XKR6: variants seen among roughly 807,000 people sequenced by gnomAD.
XKR6 encodes the protein XK-related protein 6.
XKR6 carries 22 observed loss-of-function variants against 56.7 expected under a neutral mutation model. The ratio of observed to expected loss-of-function variants is 0.39; its 90% confidence interval spans 0.28 to 0.55. XKR6 has a LOEUF of 0.55. Among genes scored for constraint, XKR6 ranks in the 20% least tolerant of loss-of-function variants. The pLI, the probability that XKR6 is intolerant of heterozygous loss-of-function variation, is 0.66. For missense variants in XKR6, 852 were observed against 889.0 expected (o/e 0.96, Z 0.53); for synonymous variants, 524 against 387.8 (o/e 1.35, Z -4.13).
intron 1 of XKR6, among the ~76,000 whole-genome samples, chr8:10,974,345 C>T (rs1244105811): frequency 6.6e-6 from 1 of 152,224 alleles, no homozygotes; most frequent in Non-Finnish European, 1.5e-5. Context: ...TGGCCACAGT[C>T]ACAGTGAGAC....
At position 10,898,481 on chromosome 8, in the gene XKR6, G is replaced by C; in HGVS notation, c.1397C>G (p.Pro466Arg). 1 of 1,613,860 alleles carries C rather than the reference G, an allele frequency of 6.2e-7. No individual in the cohort carries two copies. Among genetic ancestry groups the C allele is most frequent in the African/African-American group, 1.3e-5 (1 of 75,044 alleles). The change falls in exon 3 of 3, where the codon CCG (proline) becomes CGG (arginine). Residue 466 changes from proline (P) to arginine (R), a missense_variant. Pro to Arg is a moderately radical substitution (Grantham distance 103). This residue lies in a region of XKR6 where 197 missense variants were observed against 190.9 expected (regional missense o/e 1.03). Coordinates refer to ENST00000416569, the MANE Select transcript of XKR6 (RefSeq NM_173683.4). This position sits in a 1 kb window ranked among gnomAD's most constrained non-coding sequence, Gnocchi z 6.6. ...CACCGCATAGGAGTCAGTGGTCTCC[G>C]GGTCTCTGTAAAAATACCAAAGGAA... ...LTFLWYFYRDPETTDSYAVPA... is the reference protein window; with the variant it reads ...LTFLWYFYRDRETTDSYAVPA...
chr8:11,195,443 A>C (rs144312280), intron 1 of XKR6, among the ~76,000 whole-genome samples: 1 of 152,280 alleles, frequency 6.6e-6, no homozygotes, highest in Non-Finnish European at 1.5e-5. Context: ...ACATATCAAT[A>C]TATGTACAGA....
intron 1 of XKR6, among the ~76,000 whole-genome samples, chr8:11,183,863 G>A (rs539940849): frequency 6.6e-6 from 1 of 152,198 alleles, no homozygotes; most frequent in East Asian, 1.9e-4. Flanking sequence ...TATAACATTT[G>A]CAGTACTATG....
At chr8:11,165,602 T>C (rs536186309) in intron 1 of XKR6, among the ~76,000 whole-genome samples, 2 of 152,298 alleles carry the variant, frequency 1.3e-5, no homozygotes, top group African/African-American at 4.8e-5. Context: ...GCAACTCTTT[T>C]TCTAGTTTTC....
intron 1 of XKR6, among the ~76,000 whole-genome samples, chr8:11,193,906 T>C (rs1267644035): frequency 6.6e-6 from 1 of 152,178 alleles, no homozygotes; most frequent in Non-Finnish European, 1.5e-5. Flanking sequence ...TAATTTTAGC[T>C]GAAATTGCAA....
intron 1 of XKR6, among the ~76,000 whole-genome samples, chr8:10,938,054 C>T (rs566094067): frequency 1.2e-4 from 18 of 152,308 alleles, no homozygotes; most frequent in South Asian, 2.1e-4. Flanking sequence ...ATCAGCGAGA[C>T]TCCGTGGGCG....
intron 1 of XKR6, among the ~76,000 whole-genome samples, chr8:11,118,186 C>G (rs992941044): frequency 5.9e-5 from 9 of 152,038 alleles, no homozygotes; most frequent in Admixed American, 2.0e-4. Flanking sequence ...TCTTAATATA[C>G]AAAAAAATGA....
intron 1 of XKR6, among the ~76,000 whole-genome samples, chr8:10,947,481 A>G (rs946713501): frequency 6.6e-6 from 1 of 152,140 alleles, no homozygotes; most frequent in Non-Finnish European, 1.5e-5. Context: ...AGAGCAGCCC[A>G]GGATGGAGCC....
intron 1 of XKR6, among the ~76,000 whole-genome samples, chr8:11,061,616 T>C (rs1428996506): frequency 1.3e-5 from 2 of 152,198 alleles, no homozygotes; most frequent in African/African-American, 4.8e-5. Flanking sequence ...CATTCATTCA[T>C]TCATTCAACA....
chr8:10,965,367 G>A (rs188088951), intron 1 of XKR6, among the ~76,000 whole-genome samples: 3 of 152,354 alleles, frequency 2.0e-5, no homozygotes, highest in African/African-American at 7.2e-5. Flanking sequence ...CGGTCCCCCA[G>A]GGATCTGGGG....
intron 1 of XKR6, among the ~76,000 whole-genome samples, chr8:10,960,240 A>AGCAG: frequency 6.6e-6 from 1 of 151,414 alleles, no homozygotes; most frequent in African/African-American, 2.4e-5. Context: ...GTACAGGTAT[A>AGCAG]GCAGGTAGGT....
At chr8:11,082,456 C>T (rs958148396) in intron 1 of XKR6, among the ~76,000 whole-genome samples, 3 of 152,226 alleles carry the variant, frequency 2.0e-5, no homozygotes, top group Non-Finnish European at 2.9e-5. Flanking sequence ...GCAAACAGTG[C>T]CCAGAGAGGC....
At chr8:10,984,196 A>C (rs1797799383) in intron 1 of XKR6, among the ~76,000 whole-genome samples, 1 of 152,228 alleles carries the variant, frequency 6.6e-6, no homozygotes, top group Admixed American at 6.5e-5. Flanking sequence ...TAATAGATCA[A>C]AAGGGAAAAA....
chr8:11,163,301 A>T (rs1435998106), intron 1 of XKR6, among the ~76,000 whole-genome samples: 1 of 152,236 alleles, frequency 6.6e-6, no homozygotes, highest in Non-Finnish European at 1.5e-5. Flanking sequence ...TATATTACCC[A>T]GAAGAATGTA....
chr8:11,122,348 T>C (rs1382220480), intron 1 of XKR6, among the ~76,000 whole-genome samples: 1 of 152,252 alleles, frequency 6.6e-6, no homozygotes, highest in Non-Finnish European at 1.5e-5. Flanking sequence ...ACAGATCTCA[T>C]ATTTGCCCCA....
chr8:11,037,931 G>A (rs1799187827), intron 1 of XKR6, among the ~76,000 whole-genome samples: 1 of 151,874 alleles, frequency 6.6e-6, no homozygotes, highest in Admixed American at 6.6e-5. Context: ...GGAGGCTGAG[G>A]CAGGAGAATT....
intron 1 of XKR6, among the ~76,000 whole-genome samples, chr8:10,956,929 C>G (rs1801908188): frequency 6.6e-6 from 1 of 152,164 alleles, no homozygotes; most frequent in Non-Finnish European, 1.5e-5. Flanking sequence ...TTACCCTAGT[C>G]CTGGCCTTGT....
At chr8:11,197,280 A>C (rs77533674) in intron 1 of XKR6, among the ~76,000 whole-genome samples, 1,656 of 152,340 alleles carry the variant, frequency 0.011, 35 homozygotes, top group African/African-American at 0.038. Context: ...GTGGCCATGA[A>C]ATTTTGGTCA....
At chr8:10,981,384 G>C (rs571443799) in intron 1 of XKR6, among the ~76,000 whole-genome samples, 1 of 152,326 alleles carries the variant, frequency 6.6e-6, no homozygotes, top group East Asian at 1.9e-4. Context: ...GAAGGGCCAA[G>C]TAGAGGAGAT....
Sources: gnomAD v4.1 joint callset for allele counts (sites outside exome capture counted in the v4.1 genomes callset) on GRCh38, gnomAD v4.1.1 for gene constraint, gnomAD v4.1.1 regional missense constraint, Gnocchi (gnomAD v3.1) non-coding constraint, MANE v1.5 for transcripts, NCBI Gene and HGNC (gene_info 2026-07-23, HGNC 2026-07-21) for gene names.